Variants in NOL4 observed in about 807,000 individuals in gnomAD.
NOL4 encodes cancer/testis antigen 125.
In NOL4, 17 loss-of-function variants were observed where a neutral mutation model predicts 75.9. The observed-to-expected ratio is 0.22, with a 90% confidence interval of 0.15 to 0.34. The LOEUF is 0.34. NOL4 is among the 10% of genes least tolerant of loss of function. The pLI, the probability that NOL4 is intolerant of heterozygous loss-of-function variation, is 1.00. For missense variants in NOL4, 614 were observed against 793.5 expected, an observed-to-expected ratio of 0.77 and a Z score of 2.72; for synonymous variants, 292 against 289.9, an observed-to-expected ratio of 1.01 and a Z score of -0.07.
intron 9 of NOL4, among the ~76,000 whole-genome samples, chr18:33,904,806 G>T (rs1428133414): frequency 1.3e-5 from 2 of 152,044 alleles, no homozygotes; most frequent in Non-Finnish European, 2.9e-5. Flanking sequence ...ATTGATGCAG[G>T]GGCCACAGAT....
intron 1 of NOL4, among the ~76,000 whole-genome samples, chr18:34,156,070 C>T (rs953033066): frequency 4.6e-5 from 7 of 152,126 alleles, no homozygotes; most frequent in Non-Finnish European, 7.4e-5. Context: ...TCCTTCCATG[C>T]CAGACATGAT....
intron 1 of NOL4, among the ~76,000 whole-genome samples, chr18:34,139,748 C>T (rs2145979496): frequency 6.6e-6 from 1 of 152,212 alleles, no homozygotes; most frequent in East Asian, 1.9e-4. Context: ...TCTTGCTTCT[C>T]TAGTTCTTTT....
At chr18:33,917,614 C>T (rs2066801485) in intron 9 of NOL4, among the ~76,000 whole-genome samples, 1 of 152,054 alleles carries the variant, frequency 6.6e-6, no homozygotes, top group South Asian at 2.1e-4. Flanking sequence ...CCCTCCTCAG[C>T]CTCCCCAGTA....
chr18:34,222,955 G>C (rs775606631), intron 1 of NOL4, 35 bp downstream of exon 1: 6 of 1,595,586 alleles, frequency 3.8e-6, no homozygotes, highest in East Asian at 2.2e-5. Context: ...GGGCTGCTCC[G>C]GCAGACAAAT....
chr18:34,065,327 A>G (rs2077229091), intron 5 of NOL4, among the ~76,000 whole-genome samples: 1 of 151,930 alleles, frequency 6.6e-6, no homozygotes, highest in Non-Finnish European at 1.5e-5. Context: ...TGTTAAAGAA[A>G]CTAAGAACCA....
intron 5 of NOL4, among the ~76,000 whole-genome samples, chr18:34,033,921 C>T (rs80033827): frequency 1.0e-3 from 155 of 151,900 alleles, no homozygotes; most frequent in African/African-American, 3.4e-3. Flanking sequence ...AAAAAAATCA[C>T]GAAGGATACT....
chr18:33,880,062 ATC>A (rs1178501547), intron 10 of NOL4, among the ~76,000 whole-genome samples: 1 of 152,090 alleles, frequency 6.6e-6, no homozygotes, highest in African/African-American at 2.4e-5. Flanking sequence ...TAGAAATTGC[ATC>A]TCTCTTATCA....
At chr18:34,217,035 A>G (rs2036939454) in intron 1 of NOL4, among the ~76,000 whole-genome samples, 1 of 152,114 alleles carries the variant, frequency 6.6e-6, no homozygotes, top group Admixed American at 6.5e-5. Flanking sequence ...CTTTTGGCAT[A>G]TATTTCTAGA....
At chr18:34,188,353 T>G (rs1180522367) in intron 1 of NOL4, among the ~76,000 whole-genome samples, 1 of 152,238 alleles carries the variant, frequency 6.6e-6, no homozygotes, top group African/African-American at 2.4e-5. Context: ...GCTTAAATTT[T>G]TAGTAATTTC....
In NOL4 at chr18:34,064,939, ACACACACAC is replaced by A. The variant is rs1568296114; in HGVS notation, c.772+28517_772+28525del. ...TTTTAACACACACACACACACACAC[ACACACACAC>A]ACACATCATATGTGTCTTGTTTTTA... On this transcript the variant is annotated intron_variant, in intron 5 of 10. Transcript: ENST00000261592. Among the ~76,000 whole-genome samples the A allele has an allele frequency of 2.7e-4, 16 of 58,756 alleles. 1 individual carries two copies. The highest frequency in any genetic ancestry group is 9.5e-4 in the Admixed American group (6 of 6,294). 38.5% of individuals were successfully genotyped at this position (58,756 alleles called of 152,430 possible).
chr18:34,184,309 T>C (rs9944668), intron 1 of NOL4, among the ~76,000 whole-genome samples: 2,381 of 152,054 alleles, frequency 0.016, 68 homozygotes, highest in African/African-American at 0.055. Context: ...TGTAATATAA[T>C]ATTTTATATA....
chr18:34,103,717 A>G (rs776075914), intron 4 of NOL4, among the ~76,000 whole-genome samples: 9 of 152,002 alleles, frequency 5.9e-5, no homozygotes, highest in Non-Finnish European at 1.3e-4. Context: ...AATCTCAATT[A>G]TTTCGGATAC....
At chr18:33,911,031 G>A (rs1352368423) in intron 9 of NOL4, among the ~76,000 whole-genome samples, 3 of 152,030 alleles carry the variant, frequency 2.0e-5, no homozygotes, top group Admixed American at 1.3e-4. Flanking sequence ...TGGGTGAGCA[G>A]GAATTTTATT....
intron 9 of NOL4, among the ~76,000 whole-genome samples, chr18:33,928,953 C>T (rs185218397): frequency 2.0e-5 from 3 of 152,170 alleles, no homozygotes; most frequent in South Asian, 4.2e-4. Context: ...TTCATTATTG[C>T]TTTTTGGCAT....
chr18:34,001,812 T>G (rs1247861831), intron 6 of NOL4: 6 of 152,644 alleles, frequency 3.9e-5, no homozygotes, highest in Non-Finnish European at 8.8e-5. Flanking sequence ...AGACAATATT[T>G]CATAAAGACT....
intron 10 of NOL4, among the ~76,000 whole-genome samples, chr18:33,874,962 G>C (rs2063864134): frequency 6.6e-6 from 1 of 151,856 alleles, no homozygotes; most frequent in Non-Finnish European, 1.5e-5. Context: ...GTTAAGAGTT[G>C]GGAAAACTAG....
At chr18:33,947,560 T>A (rs1188253932) in intron 8 of NOL4, among the ~76,000 whole-genome samples, 3 of 152,006 alleles carry the variant, frequency 2.0e-5, no homozygotes, top group African/African-American at 7.2e-5. Flanking sequence ...TACTATTTGA[T>A]ATCTATCTCT....
chr18:34,156,864 C>T (rs1333841653), intron 1 of NOL4, among the ~76,000 whole-genome samples: 3 of 152,074 alleles, frequency 2.0e-5, no homozygotes, highest in Non-Finnish European at 4.4e-5. Flanking sequence ...ATCCAAATTC[C>T]TCATCATGGC....
rs539820326 is a variant in NOL4 at position 34,084,563 on chromosome 18, G to A, written c.772+8902C>T. ...TTATTGTATTTCAAATACTGTGTGT[G>A]GCTCCAAAGAGAATATGCAAGGATA... On this transcript the variant is annotated intron_variant, in intron 5 of 10. Transcript: ENST00000261592. Among the ~76,000 whole-genome samples the A allele has an allele frequency of 3.9e-5, 6 of 152,178 alleles. No individual in the cohort carries two copies. The South Asian group carries it at 1.2e-3, about 32-fold the overall frequency.
Sources: gnomAD v4.1 joint callset for allele counts (sites outside exome capture counted in the v4.1 genomes callset) on GRCh38, gnomAD v4.1.1 for gene constraint, MANE v1.5 for transcripts, NCBI Gene and HGNC (gene_info 2026-07-23, HGNC 2026-07-21) for gene names.